Variants in CDH18 observed in about 807,000 individuals in gnomAD.
The protein encoded by CDH18 is cadherin 18.
CDH18 carries 31 observed loss-of-function variants against 67.9 expected under a neutral mutation model. The ratio of observed to expected loss-of-function variants is 0.46; its 90% confidence interval spans 0.34 to 0.62. The LOEUF is 0.62. Among genes scored for constraint, CDH18 ranks in the 20% least tolerant of loss-of-function variants. CDH18 has a pLI of 0.01. For missense variants in CDH18, 890 were observed against 975.5 expected, an observed-to-expected ratio of 0.91 and a Z score of 1.17; for synonymous variants, 362 against 347.2, an observed-to-expected ratio of 1.04 and a Z score of -0.48.
At chr5:19,680,841 G>A (rs1760195520) in intron 5 of CDH18, among the ~76,000 whole-genome samples, 1 of 151,964 alleles carries the variant, frequency 6.6e-6, no homozygotes, top group African/African-American at 2.4e-5. Flanking sequence ...GGCCATTGCG[G>A]AAAGCAATTT....
intron 2 of CDH18, among the ~76,000 whole-genome samples, chr5:19,877,638 G>T (rs115891511): frequency 3.1e-3 from 474 of 152,154 alleles, no homozygotes; most frequent in African/African-American, 0.011. Flanking sequence ...AAATAGAACT[G>T]GTCCTTTCCT....
At chr5:19,493,390 TAAG>T (rs1166019396) in intron 11 of CDH18, among the ~76,000 whole-genome samples, 1 of 152,166 alleles carries the variant, frequency 6.6e-6, no homozygotes, top group Admixed American at 6.5e-5. Context: ...AAAACAATGT[TAAG>T]AACTGTCTAC....
At chr5:20,519,121 CTTG>C (rs1755562012) in intron 1 of CDH18, among the ~76,000 whole-genome samples, 2 of 152,070 alleles carry the variant, frequency 1.3e-5, no homozygotes, top group Non-Finnish European at 2.9e-5. Context: ...TGTCTTTATT[CTTG>C]TTGTGATTTT....
At chr5:19,585,701 T>C (rs941218429) in intron 7 of CDH18, among the ~76,000 whole-genome samples, 1 of 152,192 alleles carries the variant, frequency 6.6e-6, no homozygotes, top group Non-Finnish European at 1.5e-5. Flanking sequence ...AATTAAAACA[T>C]TTATTTCATT....
chr5:20,333,125 T>G (rs187623655), intron 1 of CDH18, among the ~76,000 whole-genome samples: 2 of 152,232 alleles, frequency 1.3e-5, no homozygotes, highest in Non-Finnish European at 2.9e-5. Flanking sequence ...ATAATAGATA[T>G]GAGAATTTAT....
chr5:20,097,480 C>T (rs766664174), intron 2 of CDH18, among the ~76,000 whole-genome samples: 1 of 152,050 alleles, frequency 6.6e-6, no homozygotes, highest in Non-Finnish European at 1.5e-5. Flanking sequence ...AGGAAAAATC[C>T]GCCCCCAAGA....
intron 2 of CDH18, among the ~76,000 whole-genome samples, chr5:20,136,103 T>C (rs1749692406): frequency 6.6e-6 from 1 of 152,210 alleles, no homozygotes; most frequent in African/African-American, 2.4e-5. Flanking sequence ...AGATGTCTAT[T>C]AGGTCTGCTT....
At chr5:20,456,737 T>G (rs987986918) in intron 1 of CDH18, among the ~76,000 whole-genome samples, 1 of 152,220 alleles carries the variant, frequency 6.6e-6, no homozygotes, top group Non-Finnish European at 1.5e-5. Context: ...GCCATATTTT[T>G]TTTAATGTAA....
At chr5:19,942,917 C>T (rs1794957565) in intron 2 of CDH18, among the ~76,000 whole-genome samples, 1 of 152,090 alleles carries the variant, frequency 6.6e-6, no homozygotes, top group Non-Finnish European at 1.5e-5. Flanking sequence ...CAAACACAGG[C>T]CTTGGAGATG....
At chr5:20,513,682 T>C (rs550113999) in intron 1 of CDH18, among the ~76,000 whole-genome samples, 1 of 152,182 alleles carries the variant, frequency 6.6e-6, no homozygotes, top group Non-Finnish European at 1.5e-5. Flanking sequence ...CTTATAACTT[T>C]TTGGGCCTAA....
chr5:20,366,380 T>C (rs1416366862), intron 1 of CDH18, among the ~76,000 whole-genome samples: 1 of 152,246 alleles, frequency 6.6e-6, no homozygotes, highest in Non-Finnish European at 1.5e-5. Flanking sequence ...CTTTTTTTCC[T>C]GTTCCAATGA....
rs1181051763 is a variant in CDH18 at position 20,117,905 on chromosome 5, T to C, written c.-517-125891A>G. The stretch of plus-strand genomic sequence containing the variant: ...CAACACCTTTTTTTCCTGCTAGTTT[T>C]GAATTTTAATTTGTTATTGTAAGTG... On this transcript the variant is annotated intron_variant, in intron 2 of 14. Transcript: ENST00000507958. 2.0e-5 allele frequency among the ~76,000 whole-genome samples: 3 copies of C among 152,308 alleles called. No individual in the cohort carries two copies. The East Asian group carries it at 5.8e-4, about 29-fold the overall frequency.
At chr5:20,194,635 T>C (rs1318963006) in intron 2 of CDH18, among the ~76,000 whole-genome samples, 1 of 146,932 alleles carries the variant, frequency 6.8e-6, no homozygotes, top group South Asian at 2.2e-4. Context: ...ACTCTATCTA[T>C]AACATTCTGA....
intron 1 of CDH18, among the ~76,000 whole-genome samples, chr5:20,272,839 T>A (rs2126670752): frequency 6.6e-6 from 1 of 152,120 alleles, no homozygotes; most frequent in East Asian, 1.9e-4. Flanking sequence ...TTCTAGGAAA[T>A]CATGAATGAC....
chr5:19,652,125 A>AT (rs938522346), intron 5 of CDH18, among the ~76,000 whole-genome samples: 5 of 151,776 alleles, frequency 3.3e-5, no homozygotes, highest in Admixed American at 3.3e-4. Context: ...TATTACTTAA[A>AT]TTTTTTTCTT....
At chr5:20,467,950 CTT>C (rs1283600137) in intron 1 of CDH18, among the ~76,000 whole-genome samples, 1 of 150,724 alleles carries the variant, frequency 6.6e-6, no homozygotes, top group East Asian at 1.9e-4. Context: ...CTTTTTATTC[CTT>C]TGTTATTATT....
chr5:20,256,918 T>G (rs944749751), intron 1 of CDH18, among the ~76,000 whole-genome samples: 1 of 151,576 alleles, frequency 6.6e-6, no homozygotes, highest in African/African-American at 2.4e-5. Flanking sequence ...AAACGAGATT[T>G]GTAGTAGCTT....
chr5:20,255,320 T>A (rs904321710), intron 2 of CDH18: 4 of 152,190 alleles, frequency 2.6e-5, no homozygotes, highest in African/African-American at 4.8e-5. Context: ...TTCTAGATGA[T>A]CCTTAAGAGA....
chr5:20,364,272 C>T (rs529340057), intron 1 of CDH18, among the ~76,000 whole-genome samples: 65 of 152,052 alleles, frequency 4.3e-4, no homozygotes, highest in Middle Eastern at 6.8e-3. Flanking sequence ...CAGAGACACA[C>T]ACACACACAC....
Sources: gnomAD v4.1 joint callset for allele counts (sites outside exome capture counted in the v4.1 genomes callset) on GRCh38, gnomAD v4.1.1 for gene constraint, MANE v1.5 for transcripts, NCBI Gene and HGNC (gene_info 2026-07-23, HGNC 2026-07-21) for gene names.